The following ZNF710 variants were observed in gnomAD, a reference collection of about 807,000 sequenced individuals.
ZNF710 encodes the protein zinc finger protein 710.
Under a neutral mutation model 50.6 loss-of-function variants are expected in ZNF710, and 13 were observed. That is an observed-to-expected ratio of 0.26 (90% CI 0.17 to 0.41). The LOEUF is 0.41. Ranked by LOEUF, ZNF710 falls within the 10% of genes least tolerant of loss-of-function variation. ZNF710 has a pLI of 1.00. For missense variants in ZNF710, 721 were observed against 936.6 expected, an observed-to-expected ratio of 0.77 and a Z score of 3.01; for synonymous variants, 383 against 397.0, an observed-to-expected ratio of 0.96 and a Z score of 0.42.
At position 90,073,209 on chromosome 15, in the gene ZNF710, A is replaced by G; in HGVS notation, c.1597A>G (p.Thr533Ala). The stretch of plus-strand genomic sequence containing the variant: ...CTTCAAGACCTTTGTACAGAAGCAG[A>G]CTCTCAAGACCCACATGATTGTACA... ...ICFKTFVQKQ[T>A]LKTHMIVHSP... Residue 533 changes from threonine (T) to alanine (A), a missense_variant, in exon 3 of 5, where the codon ACT becomes GCT. Transcript: ENST00000268154. The G allele has an allele frequency of 6.2e-7, 1 of 1,613,902 alleles. No individual in the cohort carries two copies. The highest frequency in any genetic ancestry group is 8.5e-7 in the Non-Finnish European group (1 of 1,179,970).
intron 1 of ZNF710, among the ~76,000 whole-genome samples, chr15:90,008,424 GTGTA>G (rs199762714): frequency 1.7e-4 from 22 of 126,278 alleles, no homozygotes; most frequent in African/African-American, 7.9e-4. Flanking sequence ...GTGTGTGTGT[GTGTA>G]TATATATATA....
At chr15:90,036,630 T>C (rs1252203244) in intron 1 of ZNF710, among the ~76,000 whole-genome samples, 1 of 152,216 alleles carries the variant, frequency 6.6e-6, no homozygotes, top group African/African-American at 2.4e-5. Flanking sequence ...CTGGCCATCA[T>C]TCCCAAGGTC....
intron 2 of ZNF710, among the ~76,000 whole-genome samples, chr15:90,070,563 C>A (rs1900344437): frequency 6.6e-6 from 1 of 151,918 alleles, no homozygotes; most frequent in Non-Finnish European, 1.5e-5. Context: ...GTAGTCCCAG[C>A]TTGAACCCAG....
intron 1 of ZNF710, among the ~76,000 whole-genome samples, chr15:90,021,621 G>A (rs2151475557): frequency 6.6e-6 from 1 of 152,238 alleles, no homozygotes; most frequent in Non-Finnish European, 1.5e-5. Context: ...TCATATTAAG[G>A]TGAATGGCAT....
At chr15:90,001,955 G>A (rs1260247631) in intron 1 of ZNF710, among the ~76,000 whole-genome samples, 1 of 141,672 alleles carries the variant, frequency 7.1e-6, no homozygotes, top group Non-Finnish European at 1.5e-5. Flanking sequence ...AGAGGGAGGA[G>A]AGCGCGCGAA....
intron 2 of ZNF710, among the ~76,000 whole-genome samples, chr15:90,071,354 C>T (rs1900376882): frequency 6.6e-6 from 1 of 151,820 alleles, no homozygotes; most frequent in Non-Finnish European, 1.5e-5. Flanking sequence ...CTGGAAATGT[C>T]CCTATTATCA....
At chr15:90,070,859 C>G (rs1900355361) in intron 2 of ZNF710, among the ~76,000 whole-genome samples, 1 of 152,150 alleles carries the variant, frequency 6.6e-6, no homozygotes, top group Non-Finnish European at 1.5e-5. Flanking sequence ...CTAGGCTTGG[C>G]AATAAAACCC....
At chr15:90,074,550 G>A (rs913522135) in intron 4 of ZNF710, 1 of 1,410,246 alleles carries the variant, frequency 7.1e-7, no homozygotes, top group African/African-American at 1.4e-5. Flanking sequence ...AGTGCTAACT[G>A]TGTGCCAGGC....
At chr15:90,030,594 G>A (rs1174592006) in intron 1 of ZNF710, among the ~76,000 whole-genome samples, 1 of 152,096 alleles carries the variant, frequency 6.6e-6, no homozygotes, top group Non-Finnish European at 1.5e-5. Flanking sequence ...GTGTTAACCA[G>A]TGGGGGAGGG....
intron 1 of ZNF710, among the ~76,000 whole-genome samples, chr15:90,065,204 A>G (rs1024841992): frequency 1.1e-4 from 17 of 152,162 alleles, no homozygotes; most frequent in African/African-American, 3.9e-4. Context: ...AGCCGTCCTC[A>G]GGAAGGGGAA....
intron 1 of ZNF710, among the ~76,000 whole-genome samples, chr15:90,030,045 A>G (rs1345361573): frequency 6.6e-6 from 1 of 151,954 alleles, no homozygotes; most frequent in Non-Finnish European, 1.5e-5. Flanking sequence ...AGCATTAGCT[A>G]TCGGCCGGGC....
rs1900037470 is a variant in ZNF710 at position 90,062,347 on chromosome 15, C to T, written c.-28-4763C>T. 6.6e-6 allele frequency among the ~76,000 whole-genome samples: 1 copy of T among 152,196 alleles called. No individual in the cohort carries two copies. The highest frequency in any genetic ancestry group is 2.1e-4 in the South Asian group (1 of 4,818). ...TTCTCCCCACCCTGGGGACCGAGGG[C>T]ATCCTGGTGGGAGGCCACGCCACAT... is the stretch of plus-strand genomic sequence containing the variant. On this transcript the variant is annotated intron_variant, in intron 1 of 4. Coordinates refer to ENST00000268154, the MANE Select transcript of ZNF710 (RefSeq NM_198526.4). This position sits in a 1 kb window ranked among gnomAD's most constrained non-coding sequence, Gnocchi z 5.6.
At position 90,034,670 on chromosome 15, in the gene ZNF710, G is replaced by A. The variant is rs936773822; in HGVS notation, c.-28-32440G>A. Among the ~76,000 whole-genome samples the A allele has an allele frequency of 3.0e-4, 45 of 152,136 alleles. No individual in the cohort carries two copies. The highest frequency in any genetic ancestry group is 1.8e-3 in the Admixed American group (28 of 15,266). Reference sequence around the variant, plus strand: ...TCTTCTCACCCCTTCTGAGAGGCCCGCCTGCTCTCCTGCTACCCTAGAGCC... The same window carrying A: ...TCTTCTCACCCCTTCTGAGAGGCCCACCTGCTCTCCTGCTACCCTAGAGCC... On this transcript the variant is annotated intron_variant, in intron 1 of 4. Coordinates refer to ENST00000268154, the MANE Select transcript of ZNF710 (RefSeq NM_198526.4). The surrounding 1 kb of genome is among the most constrained non-coding windows in gnomAD (Gnocchi z 4.0).
intron 1 of ZNF710, among the ~76,000 whole-genome samples, chr15:90,018,768 C>T (rs1449205260): frequency 6.6e-6 from 1 of 152,192 alleles, no homozygotes; most frequent in African/African-American, 2.4e-5. Context: ...TGGTGGCTCT[C>T]AGTCTTCCTG....
At chr15:90,074,422 A>C in intron 4 of ZNF710, 132 bp downstream of exon 4, 1 of 1,547,390 alleles carries the variant, frequency 6.5e-7, no homozygotes, top group Non-Finnish European at 8.7e-7. Flanking sequence ...TCAGGTCTGG[A>C]AGGGGGGTAC....
At chr15:90,009,395 G>T (rs117591183) in intron 1 of ZNF710, among the ~76,000 whole-genome samples, 1 of 152,084 alleles carries the variant, frequency 6.6e-6, no homozygotes, top group Admixed American at 6.5e-5. Context: ...TTCCCATCGT[G>T]GCTCCATTCT....
intron 1 of ZNF710, among the ~76,000 whole-genome samples, chr15:90,026,476 C>T (rs914220415): frequency 5.3e-5 from 8 of 152,008 alleles, no homozygotes; most frequent in African/African-American, 7.3e-5. Context: ...GACACTGGTC[C>T]CAAGTGTTTT....
At chr15:90,009,644 C>G (rs80236233) in intron 1 of ZNF710, among the ~76,000 whole-genome samples, 4,354 of 152,130 alleles carry the variant, frequency 0.029, 87 homozygotes, top group Non-Finnish European at 0.036. Context: ...TCTGGGCACC[C>G]CACATCCTCC....
chr15:90,046,977 G>T (rs1203256740), intron 1 of ZNF710, among the ~76,000 whole-genome samples: 2 of 152,204 alleles, frequency 1.3e-5, no homozygotes, highest in Non-Finnish European at 2.9e-5. Flanking sequence ...TCAGCATACT[G>T]CTGGCAACCC....
Sources: allele counts gnomAD v4.1 joint callset (sites outside exome capture counted in the v4.1 genomes callset), GRCh38; gene constraint gnomAD v4.1.1; non-coding constraint Gnocchi (gnomAD v3.1); transcripts MANE v1.5; gene names NCBI Gene and HGNC (gene_info 2026-07-23, HGNC 2026-07-21).